The following AKAP9 variants were observed in gnomAD, a reference collection of about 807,000 sequenced individuals.
AKAP9 encodes A-kinase anchor protein 9.
Under a neutral mutation model 488.5 loss-of-function variants are expected in AKAP9, and 311 were observed. That is an observed-to-expected ratio of 0.64 (90% CI 0.58 to 0.70). AKAP9 has a LOEUF of 0.70. Among genes scored for constraint, AKAP9 ranks in the 30% least tolerant of loss-of-function variants. AKAP9 has a pLI of 0.00. For missense variants in AKAP9, 4,215 were observed against 4,374.5 expected, an observed-to-expected ratio of 0.96 and a Z score of 1.03; for synonymous variants, 1,462 against 1,483.5, an observed-to-expected ratio of 0.99 and a Z score of 0.33.
intron 1 of AKAP9, among the ~76,000 whole-genome samples, chr7:91,955,292 A>G (rs183454150): frequency 5.9e-5 from 9 of 152,340 alleles, no homozygotes; most frequent in Non-Finnish European, 1.2e-4. Context: ...AAAAAAGAAT[A>G]TATGTAAAAT....
chr7:91,991,494 CAG>C (rs762069997), intron 3 of AKAP9, among the ~76,000 whole-genome samples: 3 of 142,312 alleles, frequency 2.1e-5, no homozygotes, highest in Non-Finnish European at 4.5e-5. Flanking sequence ...TTTTTTGAGA[CAG>C]AGTCTTGCTC....
At chr7:92,094,895 T>C in intron 39 of AKAP9, 128 bp from the exon 40 acceptor site, 1 of 734,412 alleles carries the variant, frequency 1.4e-6, no homozygotes, top group Non-Finnish European at 2.3e-6. Flanking sequence ...GAATCTTTAA[T>C]AGTTTATATT....
chr7:92,043,388 TAG>T, intron 20 of AKAP9: 1 of 916,814 alleles, frequency 1.1e-6, no homozygotes. Context: ...GTATGAAAAT[TAG>T]AGTTACCACG....
rs1218323546 is a variant in AKAP9, at chr7:92,001,746, T to G, written c.1829T>G (p.Val610Gly). Residue 610 changes from valine (V) to glycine (G), a missense_variant, in exon 8 of 50, where the codon GTG becomes GGG. By Grantham distance (109) the Val-to-Gly change is moderately radical. This residue lies in a region of AKAP9 where 2,361 missense variants were observed against 2,430.0 expected (regional missense o/e 0.97). Coordinates refer to ENST00000356239, the MANE Select transcript of AKAP9 (RefSeq NM_005751.5). ...LEMLEKEKNA[V>G]LDRMAESQEA... The stretch of plus-strand genomic sequence containing the variant: ...ATGTTAGAAAAAGAAAAGAATGCTG[T>G]GTTAGACAGAATGGCTGAATCACAA... 6.2e-7 allele frequency: 1 copy of G among 1,613,328 alleles called. No individual in the cohort carries two copies. The highest frequency in any genetic ancestry group is 1.7e-5 in the Admixed American group (1 of 59,950).
At chr7:92,026,902 G>T (rs540853067) in intron 14 of AKAP9, among the ~76,000 whole-genome samples, 2 of 149,512 alleles carry the variant, frequency 1.3e-5, no homozygotes, top group South Asian at 4.3e-4. Context: ...TCTCTGCCTG[G>T]CCGCCCATCG....
rs1451427953 is a variant in AKAP9, at chr7:92,015,004, G to C, written c.3612+676G>C. The stretch of plus-strand genomic sequence containing the variant: ...TTCTTTGTCTGTAAATTGGGTGATT[G>C]TTTAAGGTTTCTAAAATCAACTCTA... On this transcript the variant is annotated intron_variant, in intron 10 of 49. Coordinates refer to ENST00000356239, the MANE Select transcript of AKAP9 (RefSeq NM_005751.5). Among the ~76,000 whole-genome samples, 3 of 152,108 alleles carry C rather than the reference G, an allele frequency of 2.0e-5. No homozygotes were observed. The East Asian group carries it at 5.8e-4, about 29-fold the overall frequency.
chr7:92,016,942 G>T, intron 11 of AKAP9, 75 bp from the exon 12 acceptor site: 2 of 1,123,332 alleles, frequency 1.8e-6, no homozygotes, highest in Non-Finnish European at 2.6e-6. Flanking sequence ...TTATAAATAG[G>T]TGAATAATAT....
intron 2 of AKAP9, among the ~76,000 whole-genome samples, chr7:91,979,928 CTG>C (rs1260478364): frequency 3.3e-5 from 5 of 152,086 alleles, no homozygotes; most frequent in African/African-American, 1.2e-4. Flanking sequence ...CCATGGGTAA[CTG>C]AAATTATAGG....
Position 92,093,099 on chromosome 7 carries a change from C to G in AKAP9, c.9361C>G (p.Leu3121Val). 1 of 1,611,614 alleles carries G rather than the reference C, an allele frequency of 6.2e-7. No individual in the cohort carries two copies. Residue 3121 changes from leucine (L) to valine (V), a missense_variant and splice_region_variant, in exon 39 of 50, where the codon CTC becomes GTC. Transcript: ENST00000356239. ...EQESEKPSQE[L>V]LEYNIQQKQS... The stretch of plus-strand genomic sequence containing the variant: ...AATATTAATCATGTTCTGTGTAGAA[C>G]TCTTGGAATATAATATACAGCAGAA...
At position 92,048,333 on chromosome 7, in the gene AKAP9, C is replaced by T. The variant is rs574214818; in HGVS notation, c.5368+3120C>T. ...AAACATGTATGGACTTGTTAACACT[C>T]AAAAAGTAAAGAATAAAGTTGCTAA... On this transcript the variant is annotated intron_variant, in intron 21 of 49. Transcript: ENST00000356239. 1.4e-3 allele frequency among the ~76,000 whole-genome samples: 206 copies of T among 152,174 alleles called. 1 individual carries two copies. The highest frequency in any genetic ancestry group is 2.3e-3 in the Non-Finnish European group (155 of 67,984).
intron 3 of AKAP9, among the ~76,000 whole-genome samples, chr7:91,991,717 C>T (rs767867359): frequency 2.0e-5 from 3 of 151,744 alleles, no homozygotes; most frequent in Non-Finnish European, 4.4e-5. Flanking sequence ...ATGATCTGCC[C>T]GCCTCAGCCT....
chr7:92,093,777 G>T (rs1398884641), intron 39 of AKAP9, among the ~76,000 whole-genome samples: 2 of 152,088 alleles, frequency 1.3e-5, no homozygotes, highest in Non-Finnish European at 2.9e-5. Flanking sequence ...CACACAAATA[G>T]ATATGGTGAT....
At position 92,104,973 on chromosome 7, in the gene AKAP9, C is replaced by T. The variant is rs76028328; in HGVS notation, c.11331-705C>T. On this transcript the variant is annotated intron_variant, in intron 46 of 49. Transcript: ENST00000356239. ...TTTTGATTAGAGGGATCTAGAGAGG[C>T]TTCATGAGAGCGGTGTAGAAGTTGT... 2.4e-4 allele frequency among the ~76,000 whole-genome samples: 37 copies of T among 152,268 alleles called. 1 individual carries two copies. In the South Asian group the frequency reaches 2.7e-3, roughly 11 times the overall value.
At chr7:92,026,340 T>C (rs1341212384) in intron 14 of AKAP9, among the ~76,000 whole-genome samples, 1 of 152,124 alleles carries the variant, frequency 6.6e-6, no homozygotes, top group African/African-American at 2.4e-5. Context: ...CCCTCTCTTC[T>C]CTCTTCTCTC....
chr7:91,994,896 A>G, intron 6 of AKAP9, 120 bp downstream of exon 6: 3 of 851,434 alleles, frequency 3.5e-6, no homozygotes, highest in Non-Finnish European at 5.5e-6. Context: ...CATGTATGAA[A>G]AATTAGTGAA....
chr7:91,985,896 C>T (rs937686132), intron 3 of AKAP9, among the ~76,000 whole-genome samples: 2 of 152,170 alleles, frequency 1.3e-5, no homozygotes, highest in African/African-American at 4.8e-5. Flanking sequence ...ATCTCCCCAC[C>T]TCGGCCTCCT....
intron 22 of AKAP9, among the ~76,000 whole-genome samples, chr7:92,060,273 C>T (rs1809545891): frequency 6.6e-6 from 1 of 152,024 alleles, no homozygotes. Flanking sequence ...GCACTAATAT[C>T]TTTTTAATGC....
intron 24 of AKAP9, among the ~76,000 whole-genome samples, chr7:92,063,124 C>T (rs1288281500): frequency 6.6e-6 from 1 of 152,106 alleles, no homozygotes; most frequent in Non-Finnish European, 1.5e-5. Flanking sequence ...TTATATTACA[C>T]GTGCAGTTGG....
At chr7:92,033,798 A>G (rs1804701264) in intron 16 of AKAP9, among the ~76,000 whole-genome samples, 1 of 152,218 alleles carries the variant, frequency 6.6e-6, no homozygotes, top group Admixed American at 6.5e-5. Flanking sequence ...AGTGATTTCC[A>G]GTATATATCA....
Sources: gnomAD v4.1 joint callset for allele counts (sites outside exome capture counted in the v4.1 genomes callset) on GRCh38, gnomAD v4.1.1 for gene constraint, gnomAD v4.1.1 regional missense constraint, MANE v1.5 for transcripts, NCBI Gene and HGNC (gene_info 2026-07-23, HGNC 2026-07-21) for gene names.